DCC: variants seen among roughly 807,000 people sequenced by gnomAD.
DCC encodes netrin receptor DCC.
In DCC, 58 loss-of-function variants were observed where a neutral mutation model predicts 172.5. The ratio of observed to expected loss-of-function variants is 0.34; its 90% CI spans 0.27 to 0.42. DCC has a LOEUF of 0.42. Among genes scored for constraint, DCC ranks in the 10% least tolerant of loss-of-function variants. DCC has a pLI of 1.00. For missense variants in DCC, 1,740 were observed against 1,791.0 expected, an observed-to-expected ratio of 0.97 and a Z score of 0.51; for synonymous variants, 709 against 644.5, an observed-to-expected ratio of 1.10 and a Z score of -1.52.
chr18:53,266,223 A>T (rs1661358679), intron 12 of DCC, among the ~76,000 whole-genome samples: 1 of 152,170 alleles, frequency 6.6e-6, no homozygotes, highest in Admixed American at 6.6e-5. Flanking sequence ...GTACCTCTAC[A>T]GCTCAACACT....
chr18:52,821,284 A>G (rs1351287986), intron 2 of DCC, among the ~76,000 whole-genome samples: 1 of 152,094 alleles, frequency 6.6e-6, no homozygotes, highest in African/African-American at 2.4e-5. Context: ...CTCAACATAC[A>G]TTCCACATGC....
chr18:52,341,027 A>G lies in DCC; in HGVS notation c.91+149A>G, dbSNP rs1038181931. 6.3e-5 allele frequency: 39 copies of G among 622,150 alleles called. 1 individual carries two copies. Among genetic ancestry groups the G allele is most frequent in the South Asian group, 5.8e-4 (38 of 66,018 alleles). The allele number at this position is 622,150 out of a possible 1,614,324, so 38.5% of individuals were successfully genotyped here. A position where few individuals can be genotyped will look rare whatever the true frequency, so the allele number is the denominator to read the frequency against. ...CCCATTTGCGCACCGATGATAAAAG[A>G]TAGAAGAGTTTTTTTCTTCCCTGGG... On this transcript the variant is annotated intron_variant, in intron 1 of 28. Transcript: ENST00000442544.
intron 1 of DCC, among the ~76,000 whole-genome samples, chr18:52,457,626 A>C (rs1189008250): frequency 3.9e-5 from 6 of 152,202 alleles, no homozygotes; most frequent in Non-Finnish European, 8.8e-5. Context: ...AAACGGCCAA[A>C]GAAAGAGGAC....
chr18:53,220,011 C>A lies in DCC; in HGVS notation c.1911+4414C>A, dbSNP rs113915315. 2.0e-5 allele frequency among the ~76,000 whole-genome samples: 3 copies of A among 152,164 alleles called. 1 individual carries two copies. The highest frequency in any genetic ancestry group is 7.2e-5 in the African/African-American group (3 of 41,526). ...TTGGATTTTGATGGAAGTCTCTATA[C>A]CCTGTCATTGGGCTGGTGTTGCTTC... On this transcript the variant is annotated intron_variant, in intron 12 of 28. Coordinates refer to ENST00000442544, the MANE Select transcript of DCC (RefSeq NM_005215.4).
At chr18:53,020,128 G>T (rs902288759) in intron 5 of DCC, among the ~76,000 whole-genome samples, 47 of 151,972 alleles carry the variant, frequency 3.1e-4, no homozygotes, top group African/African-American at 1.1e-3. Flanking sequence ...CTAGATTGTA[G>T]ACCATGTATT....
intron 19 of DCC, among the ~76,000 whole-genome samples, chr18:53,405,568 A>G (rs1909608353): frequency 6.6e-6 from 1 of 152,216 alleles, no homozygotes; most frequent in African/African-American, 2.4e-5. Context: ...TGTGCTTTAT[A>G]CAGAATCCAG....
chr18:52,860,863 A>G (rs2039130477), intron 2 of DCC, among the ~76,000 whole-genome samples: 1 of 151,936 alleles, frequency 6.6e-6, no homozygotes, highest in Non-Finnish European at 1.5e-5. Flanking sequence ...GCCAGGTGCC[A>G]GGTGTGGTGA....
intron 1 of DCC, among the ~76,000 whole-genome samples, chr18:52,725,264 G>A (rs2036534530): frequency 6.6e-6 from 1 of 152,162 alleles, no homozygotes; most frequent in Admixed American, 6.5e-5. Context: ...ACTGCTGAGA[G>A]CGCCAGTGAT....
intron 5 of DCC, among the ~76,000 whole-genome samples, chr18:52,968,352 A>G (rs1238475105): frequency 6.6e-6 from 1 of 152,146 alleles, no homozygotes; most frequent in African/African-American, 2.4e-5. Context: ...AAAGTATTAT[A>G]TAGAGGAGAG....
chr18:53,502,262 T>A (rs560051150), intron 27 of DCC, among the ~76,000 whole-genome samples: 2 of 152,348 alleles, frequency 1.3e-5, no homozygotes, highest in East Asian at 3.9e-4. Flanking sequence ...ACTGGAGGCA[T>A]GCCCCGCCAT....
chr18:52,519,402 G>GC (rs1262516132), intron 1 of DCC, among the ~76,000 whole-genome samples: 1 of 135,210 alleles, frequency 7.4e-6, no homozygotes, highest in Non-Finnish European at 1.7e-5. Context: ...AGAAATAAGA[G>GC]CCCCAGGGAA....
intron 21 of DCC, among the ~76,000 whole-genome samples, chr18:53,416,896 A>G (rs1280238614): frequency 2.0e-5 from 3 of 152,210 alleles, no homozygotes; most frequent in African/African-American, 7.2e-5. Context: ...ACAAAGGACA[A>G]TTAGTAGAAA....
intron 1 of DCC, among the ~76,000 whole-genome samples, chr18:52,621,455 TCTCCA>T (rs1406886336): frequency 1.3e-5 from 2 of 152,158 alleles, no homozygotes; most frequent in African/African-American, 4.8e-5. Context: ...GTCTTGCCTT[TCTCCA>T]CTGCCTTATT....
At chr18:52,378,966 G>C (rs1985470428) in intron 1 of DCC, among the ~76,000 whole-genome samples, 1 of 152,130 alleles carries the variant, frequency 6.6e-6, no homozygotes, top group South Asian at 2.1e-4. Context: ...CGAGTTTTGT[G>C]TACGTGCCCT....
At chr18:53,197,193 G>C (rs1483500954) in intron 9 of DCC, among the ~76,000 whole-genome samples, 6 of 152,086 alleles carry the variant, frequency 3.9e-5, no homozygotes, top group African/African-American at 1.4e-4. Flanking sequence ...TAAAGGGAGA[G>C]AGCTTTGTGG....
At chr18:53,023,200 A>G (rs988287640) in intron 5 of DCC, among the ~76,000 whole-genome samples, 2 of 151,934 alleles carry the variant, frequency 1.3e-5, no homozygotes, top group African/African-American at 4.8e-5. Context: ...AGCTGTTTAT[A>G]TAACCACAAA....
At chr18:53,428,921 T>C (rs1347083683) in intron 21 of DCC, among the ~76,000 whole-genome samples, 1 of 27,188 alleles carries the variant, frequency 3.7e-5, no homozygotes, top group African/African-American at 8.4e-5. Context: ...AATTATATAT[T>C]ATATATTTTA....
chr18:53,350,178 A>G (rs1336563231), intron 15 of DCC, among the ~76,000 whole-genome samples: 2 of 152,144 alleles, frequency 1.3e-5, no homozygotes, highest in African/African-American at 2.4e-5. Flanking sequence ...ATGTTCTTCC[A>G]ATTCTAATTA....
At chr18:53,368,894 C>A (rs1050388585) in intron 15 of DCC, among the ~76,000 whole-genome samples, 1 of 151,844 alleles carries the variant, frequency 6.6e-6, no homozygotes, top group Admixed American at 6.6e-5. Flanking sequence ...CTTTATTCTC[C>A]TTTTTCAAAA....
Sources: gnomAD v4.1 joint callset for allele counts (sites outside exome capture counted in the v4.1 genomes callset) on GRCh38, gnomAD v4.1.1 for gene constraint, MANE v1.5 for transcripts, NCBI Gene and HGNC (gene_info 2026-07-23, HGNC 2026-07-21) for gene names.